The following PKHD1 variants were observed in gnomAD, a reference collection of about 807,000 sequenced individuals.
PKHD1 encodes PKHD1 ciliary IPT domain containing fibrocystin/polyductin, also known as fibrocystin.
In PKHD1, 291 loss-of-function variants were observed where a neutral mutation model predicts 412.0. That is an observed-to-expected ratio of 0.71 (90% CI 0.64 to 0.78). PKHD1 has a LOEUF of 0.78. Among genes scored for constraint, PKHD1 ranks in the 30% least tolerant of loss-of-function variants. The pLI is 0.00. For missense variants in PKHD1, 4,825 were observed against 4,950.7 expected, an observed-to-expected ratio of 0.97 and a Z score of 0.76; for synonymous variants, 1,777 against 1,821.5, an observed-to-expected ratio of 0.98 and a Z score of 0.62.
At chr6:52,028,053 A>G in intron 30 of PKHD1, 103 bp downstream of exon 30, 1 of 1,303,088 alleles carries the variant, frequency 7.7e-7, no homozygotes, top group South Asian at 1.2e-5. Context: ...TTTAACCTCT[A>G]ACTTCCAAGG....
Position 51,979,086 on chromosome 6 carries a change from C to T in PKHD1, c.5752-19060G>A, listed in dbSNP as rs375241149. Among the ~76,000 whole-genome samples the T allele has an allele frequency of 5.3e-5, 8 of 152,290 alleles. 1 individual carries two copies. In the South Asian group the frequency reaches 1.5e-3, roughly 28 times the overall value. ...TTGTCCCGTCCTTAATCCCCAGCGTCCAATAGGTAACCAAGTTGTGTCCAT... is the reference window on the plus strand; with the variant it reads ...TTGTCCCGTCCTTAATCCCCAGCGTTCAATAGGTAACCAAGTTGTGTCCAT... On this transcript the variant is annotated intron_variant, in intron 35 of 66. Coordinates refer to ENST00000371117, the MANE Select transcript of PKHD1 (RefSeq NM_138694.4).
At position 52,050,224 on chromosome 6, in the gene PKHD1, GGGA is replaced by G; in HGVS notation, c.2209_2211del (p.Ser737del). 1 of 1,614,176 alleles carries G rather than the reference GGGA, an allele frequency of 6.2e-7. No homozygotes were observed. On this transcript the variant is annotated inframe_deletion, in exon 22 of 67. Coordinates refer to ENST00000371117, the MANE Select transcript of PKHD1 (RefSeq NM_138694.4). ...CAGGAGGTGACACTGTAGACCGGAG[GGGA>G]TCCCACCACAGAGACTGATTCCACC...
At chr6:51,914,733 C>G (rs1225792552) in intron 37 of PKHD1, among the ~76,000 whole-genome samples, 1 of 152,050 alleles carries the variant, frequency 6.6e-6, no homozygotes, top group African/African-American at 2.4e-5. Flanking sequence ...TTTATGGTCT[C>G]TGATTTCTTA....
chr6:51,668,023 A>G (rs535138684), intron 60 of PKHD1, among the ~76,000 whole-genome samples: 1 of 152,204 alleles, frequency 6.6e-6, no homozygotes, highest in South Asian at 2.1e-4. Flanking sequence ...TGACTTGGTG[A>G]TGCAGGCTCT....
At chr6:51,983,977 C>G (rs1795911355) in intron 35 of PKHD1, among the ~76,000 whole-genome samples, 1 of 152,204 alleles carries the variant, frequency 6.6e-6, no homozygotes, top group Non-Finnish European at 1.5e-5. Flanking sequence ...TCTAGTCACA[C>G]TGTTCTAATT....
At chr6:51,829,359 C>T (rs180749014) in intron 52 of PKHD1, among the ~76,000 whole-genome samples, 2 of 152,272 alleles carry the variant, frequency 1.3e-5, no homozygotes, top group East Asian at 3.9e-4. Flanking sequence ...TTGCTCCTTG[C>T]TCGGCATAAA....
intron 35 of PKHD1, among the ~76,000 whole-genome samples, chr6:51,985,327 T>C (rs1036177903): frequency 2.0e-5 from 3 of 152,266 alleles, no homozygotes; most frequent in Non-Finnish European, 4.4e-5. Context: ...TATTTTGGCC[T>C]ACTTTGTAAG....
rs759964285 is a variant in PKHD1 at position 52,044,960 on chromosome 6, T to C, written c.2715+6A>G. ...CTTGCACTTAGGGTGGCCCATTCAC[T>C]CTCACCTGAGTATGCTGGTTGGCAG... On this transcript the variant is annotated splice_donor_region_variant and intron_variant, in intron 25 of 66. Coordinates refer to ENST00000371117, the MANE Select transcript of PKHD1 (RefSeq NM_138694.4). The C allele has an allele frequency of 1.2e-6, 2 of 1,612,594 alleles. No individual in the cohort carries two copies. Among genetic ancestry groups the C allele is most frequent in the Middle Eastern group, 1.7e-4 (1 of 6,056 alleles).
intron 43 of PKHD1, among the ~76,000 whole-genome samples, chr6:51,889,676 C>T (rs1445233868): frequency 1.3e-5 from 2 of 152,054 alleles, no homozygotes; most frequent in African/African-American, 2.4e-5. Context: ...TACTCTTGGC[C>T]ATCACAAGGT....
intron 31 of PKHD1, among the ~76,000 whole-genome samples, chr6:52,026,823 A>T (rs998733049): frequency 6.6e-6 from 1 of 152,212 alleles, no homozygotes; most frequent in Non-Finnish European, 1.5e-5. Context: ...GCCACCAAAG[A>T]TCAAACCCCA....
chr6:51,873,789 T>C (rs2151798362), intron 46 of PKHD1, among the ~76,000 whole-genome samples: 1 of 152,076 alleles, frequency 6.6e-6, no homozygotes, highest in South Asian at 2.1e-4. Context: ...GCTAAAATAA[T>C]CATAACAGAA....
At position 52,064,857 on chromosome 6, in the gene PKHD1, T is replaced by C. The variant is rs763123053; in HGVS notation, c.976+98A>G. 4.8e-4 allele frequency: 199 copies of C among 417,774 alleles called. 20 individuals carry two copies. Among genetic ancestry groups the C allele is most frequent in the Middle Eastern group, 2.7e-3 (6 of 2,190 alleles). 25.9% of individuals were successfully genotyped at this position (417,774 alleles called of 1,614,324 possible). On this transcript the variant is annotated intron_variant, in intron 13 of 66. Transcript: ENST00000371117. The stretch of plus-strand genomic sequence containing the variant: ...GGGCTCACTGAGTAAGCCAGTCAAA[T>C]AGATGAGAAAGAATTCAAACACTTT...
At chr6:51,982,408 GC>G (rs1201491074) in intron 35 of PKHD1, among the ~76,000 whole-genome samples, 1 of 134,992 alleles carries the variant, frequency 7.4e-6, no homozygotes, top group African/African-American at 2.6e-5. Context: ...TCAGATGGTT[GC>G]CGGGTTTGTG....
chr6:51,671,250 T>C (rs1774917553), intron 60 of PKHD1, among the ~76,000 whole-genome samples: 1 of 152,124 alleles, frequency 6.6e-6, no homozygotes. Flanking sequence ...CTCGTTTCTT[T>C]TTATTCTTTT....
At chr6:51,851,080 A>T (rs1356563286) in intron 49 of PKHD1, among the ~76,000 whole-genome samples, 1 of 152,176 alleles carries the variant, frequency 6.6e-6, no homozygotes, top group African/African-American at 2.4e-5. Context: ...ATCAATACCT[A>T]GCTTACTGAG....
chr6:51,760,209 T>C (rs1787761407), intron 55 of PKHD1, among the ~76,000 whole-genome samples: 1 of 152,158 alleles, frequency 6.6e-6, no homozygotes, highest in South Asian at 2.1e-4. Context: ...TTAGATAATA[T>C]GCCATTGAAC....
chr6:51,619,827 C>T (rs1328752905), intron 66 of PKHD1, among the ~76,000 whole-genome samples: 1 of 151,526 alleles, frequency 6.6e-6, no homozygotes, highest in Non-Finnish European at 1.5e-5. Flanking sequence ...TCACACTTAC[C>T]AACAGGCCAA....
chr6:51,755,996 T>G (rs1387071115), intron 55 of PKHD1, among the ~76,000 whole-genome samples: 1 of 152,164 alleles, frequency 6.6e-6, no homozygotes. Flanking sequence ...GAGTACATAT[T>G]AATAATACAG....
chr6:51,933,012 A>G (rs1786898501), intron 37 of PKHD1, among the ~76,000 whole-genome samples: 1 of 152,196 alleles, frequency 6.6e-6, no homozygotes, highest in South Asian at 2.1e-4. Flanking sequence ...TGATGCCAAT[A>G]TAGAAATATC....
Sources: gnomAD v4.1 joint callset for allele counts (sites outside exome capture counted in the v4.1 genomes callset) on GRCh38, gnomAD v4.1.1 for gene constraint, MANE v1.5 for transcripts, NCBI Gene and HGNC (gene_info 2026-07-23, HGNC 2026-07-21) for gene names.